Variants in ATG7 observed in about 807,000 individuals in gnomAD.
ATG7 encodes the protein ubiquitin-like modifier-activating enzyme ATG7.
In ATG7, 70 loss-of-function variants were observed where a neutral mutation model predicts 82.4. That is an observed-to-expected ratio of 0.85 (90% CI 0.70 to 1.04). The LOEUF is 1.04. Among genes scored for constraint, ATG7 ranks in the 50% least tolerant of loss-of-function variants. The probability of loss-of-function intolerance (pLI) is 0.00; values close to 1 mark genes in which losing one functional copy is unlikely to be tolerated. For missense variants in ATG7, 792 were observed against 864.3 expected (o/e 0.92, Z 1.05); for synonymous variants, 287 against 313.0 (o/e 0.92, Z 0.88).
intron 19 of ATG7, among the ~76,000 whole-genome samples, chr3:11,415,228 G>T (rs1267367465): frequency 6.6e-6 from 1 of 152,100 alleles, no homozygotes. Context: ...TTTTAAAATG[G>T]TACACCTGTG....
chr3:11,372,037 C>G (rs548516162), intron 18 of ATG7, among the ~76,000 whole-genome samples: 1 of 151,402 alleles, frequency 6.6e-6, no homozygotes, highest in African/African-American at 2.4e-5. Flanking sequence ...TGCTGTCTGC[C>G]GTGTTTTCAT....
rs751658734 is a variant in ATG7 at position 11,307,028 on chromosome 3, A to G, written c.301A>G (p.Lys101Glu). ...ACTCGAGTCTTTCAAGACTGCAGAT[A>G]AGAAGCTCCTTTTGGAACAAGCAGC... ...NTLESFKTADKKLLLEQAANE... is the reference protein window; with the variant it reads ...NTLESFKTADEKLLLEQAANE... Residue 101 changes from lysine to glutamate, a missense_variant, in exon 6 of 21, where the codon AAG becomes GAG. Physicochemically the swap from Lys to Glu is moderately conservative, Grantham distance 56 (BLOSUM62 1). Coordinates refer to ENST00000693202, the MANE Select transcript of ATG7 (RefSeq NM_001349232.2). The G allele has an allele frequency of 5.6e-6, 9 of 1,613,956 alleles. No individual in the cohort carries two copies. Among genetic ancestry groups the G allele is most frequent in the African/African-American group, 2.7e-5 (2 of 74,908 alleles).
chr3:11,552,041 G>C (rs146070500), intron 20 of ATG7, among the ~76,000 whole-genome samples: 1 of 152,254 alleles, frequency 6.6e-6, no homozygotes, highest in African/African-American at 2.4e-5. Context: ...GCGCCACCAC[G>C]CCCGGCCTCT....
rs1427145261 is a variant in ATG7 at position 11,550,735 on chromosome 3, C to G, written c.2080-4076C>G. Among the ~76,000 whole-genome samples the G allele has an allele frequency of 5.9e-5, 9 of 152,000 alleles. 1 individual carries two copies. In the South Asian group the frequency reaches 6.2e-4, roughly 11 times the overall value. On this transcript the variant is annotated intron_variant, in intron 20 of 20. Transcript: ENST00000693202. ...TCTTTGTCTATTACCGAGATGAGCC[C>G]TTTATGGTATGTTGTTATGTTTTCT...
In ATG7 at chr3:11,465,228, G is replaced by A. The variant is rs1011805722; in HGVS notation, c.2079+38302G>A. 4.6e-5 allele frequency among the ~76,000 whole-genome samples: 7 copies of A among 151,864 alleles called. No homozygotes were observed. In the South Asian group the frequency reaches 6.3e-4, roughly 14 times the overall value. ...TCCCAGCACTTTGGGAGGCCGAGGC[G>A]TGTGGATCCAGATCGAGACCATCCT... On this transcript the variant is annotated intron_variant, in intron 20 of 20. Coordinates refer to ENST00000693202, the MANE Select transcript of ATG7 (RefSeq NM_001349232.2).
chr3:11,435,046 A>T (rs1277472314), intron 20 of ATG7, among the ~76,000 whole-genome samples: 2 of 152,174 alleles, frequency 1.3e-5, no homozygotes, highest in African/African-American at 4.8e-5. Context: ...TTCAACTCTA[A>T]TTTAGTGATT....
chr3:11,543,953 A>G (rs1021687439), intron 20 of ATG7, among the ~76,000 whole-genome samples: 2 of 152,124 alleles, frequency 1.3e-5, no homozygotes, highest in African/African-American at 4.8e-5. Context: ...AGGGCACCCA[A>G]GTCCCTACAG....
chr3:11,447,958 C>T (rs1226007310), intron 20 of ATG7, among the ~76,000 whole-genome samples: 1 of 152,202 alleles, frequency 6.6e-6, no homozygotes, highest in African/African-American at 2.4e-5. Context: ...TAAGTTCAGT[C>T]TCCTCTTAGT....
chr3:11,371,966 G>C (rs775267740), intron 18 of ATG7, among the ~76,000 whole-genome samples: 11 of 151,260 alleles, frequency 7.3e-5, no homozygotes, highest in Non-Finnish European at 1.3e-4. Flanking sequence ...GAACAGCCCG[G>C]GAGCGAGGCC....
intron 20 of ATG7, among the ~76,000 whole-genome samples, chr3:11,511,743 G>A (rs1215598620): frequency 3.3e-5 from 5 of 152,302 alleles, no homozygotes; most frequent in Non-Finnish European, 2.9e-5. Context: ...CCTGCCCCGA[G>A]GGAAGGCAGC....
intron 20 of ATG7, among the ~76,000 whole-genome samples, chr3:11,526,255 G>A (rs957636833): frequency 1.3e-5 from 2 of 152,036 alleles, no homozygotes; most frequent in Non-Finnish European, 2.9e-5. Context: ...GCCGGGCCTA[G>A]TGGTGCATGC....
intron 14 of ATG7, among the ~76,000 whole-genome samples, chr3:11,353,703 T>C (rs929481933): frequency 1.2e-4 from 18 of 152,130 alleles, no homozygotes; most frequent in African/African-American, 4.1e-4. Flanking sequence ...GGCATCTCTC[T>C]TTTTCCCTCC....
intron 20 of ATG7, among the ~76,000 whole-genome samples, chr3:11,448,532 T>G (rs2084794172): frequency 6.6e-6 from 1 of 152,216 alleles, no homozygotes; most frequent in Non-Finnish European, 1.5e-5. Flanking sequence ...TGAAACTTGT[T>G]GATAAAACCA....
intron 13 of ATG7, among the ~76,000 whole-genome samples, chr3:11,347,315 G>A (rs1559442509): frequency 6.6e-6 from 1 of 152,168 alleles, no homozygotes. Context: ...ATAAAACCGT[G>A]AAAACTATTT....
intron 20 of ATG7, among the ~76,000 whole-genome samples, chr3:11,526,418 A>C (rs1186752576): frequency 6.6e-6 from 1 of 152,100 alleles, no homozygotes; most frequent in Non-Finnish European, 1.5e-5. Context: ...ACCCCCAGAC[A>C]ACAAGAAACA....
the ATG7 span, among the ~76,000 whole-genome samples, chr3:11,567,185 T>C: frequency 1.5e-4 from 23 of 152,140 alleles, no homozygotes; most frequent in African/African-American, 5.5e-4. Flanking sequence ...AGCCTCGGCG[T>C]CCCCATGTAA....
At chr3:11,511,387 A>G (rs1452965403) in intron 20 of ATG7, among the ~76,000 whole-genome samples, 1 of 152,220 alleles carries the variant, frequency 6.6e-6, no homozygotes, top group African/African-American at 2.4e-5. Flanking sequence ...CCAAGGCCCC[A>G]CCAGAGCAGC....
intron 20 of ATG7, among the ~76,000 whole-genome samples, chr3:11,553,642 T>G (rs1269834693): frequency 6.6e-6 from 1 of 152,158 alleles, no homozygotes; most frequent in Non-Finnish European, 1.5e-5. Context: ...GACCGGCCCA[T>G]CCACAGCCTG....
At chr3:11,477,106 T>A in intron 20 of ATG7, 1 of 1,289,710 alleles carries the variant, frequency 7.8e-7, no homozygotes. Context: ...GTGGTGTAAT[T>A]AAAAGGGAGC....
Sources: gnomAD v4.1 joint callset for allele counts (sites outside exome capture counted in the v4.1 genomes callset) on GRCh38, gnomAD v4.1.1 for gene constraint, MANE v1.5 for transcripts, NCBI Gene and HGNC (gene_info 2026-07-23, HGNC 2026-07-21) for gene names.